The following GATB variants were observed in gnomAD, a reference collection of about 807,000 sequenced individuals.
The protein encoded by GATB is glutamyl-tRNA amidotransferase subunit B.
GATB carries 39 observed loss-of-function variants against 62.3 expected under a neutral mutation model. The ratio of observed to expected loss-of-function variants is 0.63; its 90% CI spans 0.48 to 0.82. The LOEUF (loss-of-function observed/expected upper bound fraction) is 0.82. Among genes scored for constraint, GATB ranks in the 40% least tolerant of loss-of-function variants. The pLI is 0.00. For missense variants in GATB, 670 were observed against 684.0 expected, an observed-to-expected ratio of 0.98 and a Z score of 0.23; for synonymous variants, 276 against 258.9, an observed-to-expected ratio of 1.07 and a Z score of -0.63.
At chr4:151,697,645 C>T (rs1229807629) in intron 9 of GATB, among the ~76,000 whole-genome samples, 2 of 149,136 alleles carry the variant, frequency 1.3e-5, no homozygotes, top group South Asian at 2.1e-4. Flanking sequence ...ATAAATATTT[C>T]CGTATATGTT....
At chr4:151,682,006 T>G (rs930911387) in intron 10 of GATB, among the ~76,000 whole-genome samples, 1 of 152,090 alleles carries the variant, frequency 6.6e-6, no homozygotes, top group Non-Finnish European at 1.5e-5. Context: ...GATCCCAACA[T>G]TCAGATCGCC....
chr4:151,696,009 G>A (rs941073312), intron 9 of GATB, among the ~76,000 whole-genome samples: 41 of 138,932 alleles, frequency 3.0e-4, no homozygotes, highest in African/African-American at 1.1e-3. Context: ...TCGAAATCCT[G>A]GCCAAAAGTG....
At chr4:151,722,578 T>G in intron 2 of GATB, 1 of 202,496 alleles carries the variant, frequency 4.9e-6, no homozygotes, top group Non-Finnish European at 9.8e-6. Context: ...CCCATTCTTA[T>G]TCCCTTCAAA....
At chr4:151,710,812 C>T (rs191244412) in intron 5 of GATB, among the ~76,000 whole-genome samples, 3 of 152,136 alleles carry the variant, frequency 2.0e-5, no homozygotes, top group South Asian at 2.1e-4. Flanking sequence ...TCTGGGTGGA[C>T]GGATACAGTT....
intron 3 of GATB, chr4:151,717,324 C>T (rs1738934677): frequency 2.0e-6 from 1 of 504,382 alleles, no homozygotes; most frequent in South Asian, 2.1e-5. Context: ...CAATAAACAA[C>T]ACGAATTCAT....
chr4:151,748,372 T>C (rs1739645537), intron 2 of GATB, among the ~76,000 whole-genome samples: 2 of 152,176 alleles, frequency 1.3e-5, no homozygotes, highest in African/African-American at 4.8e-5. Flanking sequence ...TCTACAACTA[T>C]CTGATCTTTG....
At chr4:151,698,522 G>C (rs926104318) in intron 9 of GATB, among the ~76,000 whole-genome samples, 15 of 152,160 alleles carry the variant, frequency 9.9e-5, no homozygotes, top group African/African-American at 3.6e-4. Flanking sequence ...TCTTTAAATT[G>C]AAAGATGGTT....
At chr4:151,679,926 T>C in intron 10 of GATB, 35 bp from the exon 11 acceptor site, 1 of 1,584,062 alleles carries the variant, frequency 6.3e-7, no homozygotes, top group East Asian at 2.2e-5. Flanking sequence ...ACATTTACAT[T>C]GCACACTGTC....
chr4:151,717,280 A>C, intron 3 of GATB: 2 of 572,362 alleles, frequency 3.5e-6, no homozygotes, highest in Non-Finnish European at 6.2e-6. Context: ...TCACCCCTTC[A>C]CCCTCCCCAA....
intron 5 of GATB, among the ~76,000 whole-genome samples, chr4:151,708,911 A>G (rs776771869): frequency 6.6e-6 from 1 of 152,182 alleles, no homozygotes; most frequent in Admixed American, 6.5e-5. Flanking sequence ...GAGAGAGAGA[A>G]AAATCCCAAG....
intron 2 of GATB, among the ~76,000 whole-genome samples, chr4:151,732,014 T>A (rs1367036860): frequency 8.5e-6 from 1 of 117,210 alleles, no homozygotes; most frequent in African/African-American, 3.5e-5. Context: ...AGGTGGGGGG[T>A]CAGCCCCCGC....
chr4:151,728,200 G>A (rs1371275094), intron 2 of GATB, among the ~76,000 whole-genome samples: 1 of 152,146 alleles, frequency 6.6e-6, no homozygotes, highest in Non-Finnish European at 1.5e-5. Context: ...GCTCCCATGT[G>A]CACTAAAAGA....
chr4:151,753,631 A>G lies in GATB; in HGVS notation c.327+5141T>C, dbSNP rs953257798. Among the ~76,000 whole-genome samples the G allele has an allele frequency of 2.0e-5, 3 of 152,092 alleles. No individual in the cohort carries two copies. In the South Asian group the frequency reaches 6.2e-4, roughly 32 times the overall value. ...TTAATCAAAAGCCTCTCCTGTCTTT[A>G]CCCCTTCTTCATTGGCTCCTTCTCA... On this transcript the variant is annotated intron_variant, in intron 2 of 12. Transcript: ENST00000263985.
Position 151,679,834 on chromosome 4 carries a change from A to C in GATB, c.1389T>G (p.Ile463Met), listed in dbSNP as rs763286404. Residue 463 changes from isoleucine (I) to methionine (M), a missense_variant, in exon 11 of 13, where the codon ATT (isoleucine) becomes ATG (methionine). Physicochemically the swap from Ile to Met is conservative, Grantham distance 10 (BLOSUM62 1). Transcript: ENST00000263985. The stretch of plus-strand genomic sequence containing the variant: ...ATACCTGTTTAGCTGCTGATGAAGA[A>C]ATTGTTCTGCTGTCCAGCAGGTCAA... ...ELLDLLDSRT[I>M]SSSAAKQVFE... is the part of the protein sequence containing the mutation. The C allele has an allele frequency of 6.2e-6, 10 of 1,614,000 alleles. No individual in the cohort carries two copies. Among genetic ancestry groups the C allele is most frequent in the Admixed American group, 1.7e-5 (1 of 60,000 alleles).
chr4:151,708,075 T>C lies in GATB; in HGVS notation c.790A>G (p.Ile264Val), dbSNP rs577871321. ...GGCTCCCCAGGGTGATGCACGGATA[T>C]ATTGGCATCCACTCTCAACTGGCCC... ...AEGQLRVDAN[I>V]SVHHPGEPLG... is the part of the protein sequence containing the mutation. The change falls in exon 6 of 13, where the codon ATA (isoleucine) becomes GTA (valine). Residue 264 changes from isoleucine to valine, a missense_variant. Physicochemically the swap from Ile to Val is conservative, Grantham distance 29. Coordinates refer to ENST00000263985, the MANE Select transcript of GATB (RefSeq NM_004564.3). 3 of 1,613,858 alleles carry C rather than the reference T, an allele frequency of 1.9e-6. No individual in the cohort carries two copies. The East Asian group carries it at 6.7e-5, about 36-fold the overall frequency.
At chr4:151,732,350 G>A (rs1405186312) in intron 2 of GATB, among the ~76,000 whole-genome samples, 1 of 152,186 alleles carries the variant, frequency 6.6e-6, no homozygotes, top group Non-Finnish European at 1.5e-5. Flanking sequence ...AGTAGACATA[G>A]GAGACTCCAT....
chr4:151,689,451 G>A (rs887994584), intron 9 of GATB, among the ~76,000 whole-genome samples: 4 of 152,040 alleles, frequency 2.6e-5, no homozygotes, highest in Non-Finnish European at 4.4e-5. Flanking sequence ...GCCTCTCATC[G>A]TTTCCTGGGG....
chr4:151,750,502 G>A (rs1245760735), intron 2 of GATB, among the ~76,000 whole-genome samples: 1 of 152,052 alleles, frequency 6.6e-6, no homozygotes, highest in Non-Finnish European at 1.5e-5. Flanking sequence ...TTTTAAGAAC[G>A]TGGACTCCTA....
chr4:151,679,897 G>A lies in GATB; in HGVS notation c.1332-6C>T. ...GTGCAGAGGGTGTGACAGGACTGGT[G>A]GCCCCCAAAAGAGAAAACACATTTA... is the stretch of plus-strand genomic sequence containing the variant. On this transcript the variant is annotated splice_polypyrimidine_tract_variant and splice_region_variant and intron_variant, in intron 10 of 12. Transcript: ENST00000263985. 1 of 1,613,922 alleles carries A rather than the reference G, an allele frequency of 6.2e-7. No homozygotes were observed.
Sources: allele counts gnomAD v4.1 joint callset (sites outside exome capture counted in the v4.1 genomes callset), GRCh38; gene constraint gnomAD v4.1.1; transcripts MANE v1.5; gene names NCBI Gene and HGNC (gene_info 2026-07-23, HGNC 2026-07-21).